Variants in HERC2 observed in about 807,000 individuals in gnomAD.
HERC2 encodes E3 ubiquitin-protein ligase HERC2.
HERC2 carries 102 observed loss-of-function variants against 537.7 expected under a neutral mutation model. The observed-to-expected ratio is 0.19, with a 90% CI of 0.16 to 0.22. The LOEUF (loss-of-function observed/expected upper bound fraction) is 0.22, where lower values mean the gene tolerates loss of function less well. HERC2 is among the 10% of genes least tolerant of loss of function. HERC2 has a pLI of 1.00. For missense variants in HERC2, 4,236 were observed against 6,198.2 expected (o/e 0.68, Z 10.63); for synonymous variants, 2,224 against 2,466.2 (o/e 0.90, Z 2.91).
intron 2 of HERC2, among the ~76,000 whole-genome samples, chr15:28,301,877 G>A (rs1334774223): frequency 1.4e-5 from 2 of 144,268 alleles, no homozygotes; most frequent in African/African-American, 5.1e-5. Flanking sequence ...TCAGCTCACT[G>A]CAACCTTTGC....
intron 6 of HERC2, among the ~76,000 whole-genome samples, 156 bp from the exon 7 acceptor site, chr15:28,274,603 T>G (rs2075822566): frequency 6.6e-6 from 1 of 152,250 alleles, no homozygotes; most frequent in African/African-American, 2.4e-5. Context: ...ATTCTGTGTT[T>G]CACGGCTGTC....
intron 4 of HERC2, among the ~76,000 whole-genome samples, chr15:28,283,620 A>G (rs1357112504): frequency 1.3e-5 from 2 of 152,242 alleles, no homozygotes; most frequent in African/African-American, 2.4e-5. Context: ...GGAGATGACA[A>G]GCACACCAAC....
At position 28,230,221 on chromosome 15, in the gene HERC2, A is replaced by C. The variant is rs1015558993; in HGVS notation, c.4809+146T>G. On this transcript the variant is annotated intron_variant, in intron 31 of 92. Coordinates refer to ENST00000261609, the MANE Select transcript of HERC2 (RefSeq NM_004667.6). ...GCTACAGCTCTGACCAGGACATCATAAGCCAAGTTCATGAAGCATCACTGG... is the reference window on the plus strand; with the variant it reads ...GCTACAGCTCTGACCAGGACATCATCAGCCAAGTTCATGAAGCATCACTGG... The C allele has an allele frequency of 2.9e-5, 23 of 803,054 alleles. No individual in the cohort carries two copies. The Admixed American group carries it at 4.2e-4, about 15-fold the overall frequency. The allele number at this position is 803,054 out of a possible 1,614,324, so 49.7% of individuals were successfully genotyped here. A position where few individuals can be genotyped will look rare whatever the true frequency, so the allele number is the denominator to read the frequency against.
intron 19 of HERC2, among the ~76,000 whole-genome samples, chr15:28,255,646 G>T (rs2075235871): frequency 6.6e-6 from 1 of 152,194 alleles, no homozygotes. Context: ...TGAGGAACAG[G>T]TTACCTGTTA....
chr15:28,174,262 T>C, intron 65 of HERC2, 133 bp downstream of exon 65: 1 of 669,634 alleles, frequency 1.5e-6, no homozygotes, highest in Admixed American at 3.2e-5. Flanking sequence ...ACCATAATTC[T>C]TCTGTGTCTT....
At chr15:28,295,407 G>A (rs1163679073) in intron 3 of HERC2, among the ~76,000 whole-genome samples, 1 of 152,056 alleles carries the variant, frequency 6.6e-6, no homozygotes, top group Non-Finnish European at 1.5e-5. Flanking sequence ...TCTGAAAACA[G>A]GGAAAGTATT....
chr15:28,298,038 T>TGTGA (rs1349378001), intron 3 of HERC2, among the ~76,000 whole-genome samples: 6 of 144,104 alleles, frequency 4.2e-5, no homozygotes, highest in African/African-American at 1.6e-4. Context: ...TGTGTGTGTG[T>TGTGA]GAATATTTTC....
intron 83 of HERC2, among the ~76,000 whole-genome samples, chr15:28,126,690 A>G (rs1178531226): frequency 2.6e-5 from 4 of 152,106 alleles, no homozygotes; most frequent in Admixed American, 1.3e-4. Context: ...GAATGACACA[A>G]TGGACTTTGG....
intron 69 of HERC2, among the ~76,000 whole-genome samples, chr15:28,159,737 A>G (rs1893381922): frequency 6.6e-6 from 1 of 152,192 alleles, no homozygotes; most frequent in South Asian, 2.1e-4. Context: ...CAGCTCATCA[A>G]AGTCATTCTC....
chr15:28,177,353 A>G lies in HERC2; in HGVS notation c.9254+66T>C. 6.7e-7 allele frequency: 1 copy of G among 1,495,086 alleles called. No individual in the cohort carries two copies. Among genetic ancestry groups the G allele is most frequent in the South Asian group, 1.1e-5 (1 of 87,440 alleles). The allele number at this position is 1,495,086 out of a possible 1,614,324, so 92.6% of individuals were successfully genotyped here. A position where few individuals can be genotyped will look rare whatever the true frequency, so the allele number is the denominator to read the frequency against. Reference sequence around the variant, plus strand: ...TTCTATTCTAATTTTCTGCAAAATAATTCTCAAGAGTATCAGTCAGAAACA... The same window carrying G: ...TTCTATTCTAATTTTCTGCAAAATAGTTCTCAAGAGTATCAGTCAGAAACA... On this transcript the variant is annotated intron_variant, in intron 60 of 92. Coordinates refer to ENST00000261609, the MANE Select transcript of HERC2 (RefSeq NM_004667.6). This position sits in a 1 kb window ranked among gnomAD's most constrained non-coding sequence, Gnocchi z 5.0.
intron 69 of HERC2, among the ~76,000 whole-genome samples, chr15:28,155,884 T>C (rs1892960963): frequency 6.6e-6 from 1 of 152,216 alleles, no homozygotes; most frequent in African/African-American, 2.4e-5. Context: ...TCTAGGGTTT[T>C]TATGGTTTTA....
At position 28,201,508 on chromosome 15, in the gene HERC2, G is replaced by C. The variant is rs1249330406; in HGVS notation, c.7664C>G (p.Ala2555Gly). The stretch of plus-strand genomic sequence containing the variant: ...ATAATCATCATTACTCAAGAAATCA[G>C]CTCGTTTTTTGTACGTCTGGCTCTC... ...VTESQTYKKR[A>G]DFLSNDDYAV... The change falls in exon 48 of 93, where the codon GCT becomes GGT. Residue 2555 changes from alanine to glycine, a missense_variant. By Grantham distance (60) the Ala-to-Gly change is moderately conservative. Coordinates refer to ENST00000261609, the MANE Select transcript of HERC2 (RefSeq NM_004667.6). The C allele has an allele frequency of 6.2e-7, 1 of 1,613,600 alleles. No homozygotes were observed. The highest frequency in any genetic ancestry group is 8.5e-7 in the Non-Finnish European group (1 of 1,179,532).
Position 28,113,711 on chromosome 15 carries a change from T to C in HERC2, c.13914-33A>G. 6.4e-7 allele frequency: 1 copy of C among 1,554,252 alleles called. No individual in the cohort carries two copies. The highest frequency in any genetic ancestry group is 1.1e-5 in the South Asian group (1 of 89,144). The stretch of plus-strand genomic sequence containing the variant: ...AAAAAGCTCACTTTACACTTCTGTC[T>C]TCAGTGACACTGACTTTATGCTGCT... On this transcript the variant is annotated intron_variant, in intron 90 of 92. Transcript: ENST00000261609. This position sits in a 1 kb window ranked among gnomAD's most constrained non-coding sequence, Gnocchi z 7.0.
intron 89 of HERC2, among the ~76,000 whole-genome samples, chr15:28,115,088 A>G (rs1179184964): frequency 6.6e-6 from 1 of 151,612 alleles, no homozygotes; most frequent in African/African-American, 2.4e-5. Context: ...GCCGAGGCAC[A>G]ACACAGCCAT....
At chr15:28,133,852 CTCTT>C (rs1890347926) in intron 79 of HERC2, among the ~76,000 whole-genome samples, 1 of 152,196 alleles carries the variant, frequency 6.6e-6, no homozygotes, top group Non-Finnish European at 1.5e-5. Context: ...ATCTGTCTCT[CTCTT>C]TTTGCCAGCA....
chr15:28,207,863 C>T (rs1260303002), intron 44 of HERC2, among the ~76,000 whole-genome samples: 1 of 151,918 alleles, frequency 6.6e-6, no homozygotes, highest in Non-Finnish European at 1.5e-5. Flanking sequence ...CATTGCAGAG[C>T]AAAAGCATCC....
At chr15:28,262,167 G>T (rs909320063) in intron 15 of HERC2, among the ~76,000 whole-genome samples, 1 of 152,070 alleles carries the variant, frequency 6.6e-6, no homozygotes, top group East Asian at 1.9e-4. Flanking sequence ...AACAGTTCTC[G>T]ATTAGGATGA....
At chr15:28,184,761 C>G (rs1896145323) in intron 56 of HERC2, among the ~76,000 whole-genome samples, 1 of 151,402 alleles carries the variant, frequency 6.6e-6, no homozygotes, top group Non-Finnish European at 1.5e-5. Context: ...ACTCAGGAGG[C>G]TGAGGCAGGA....
Position 28,268,568 on chromosome 15 carries a change from C to A in HERC2, c.1495G>T (p.Ala499Ser), listed in dbSNP as rs146191030. ...TAGTGGTGACCATCAGAATGGGCAG[C>A]AATTTTTACAATGTTTCTGGAGGCA... The part of the protein sequence containing the change: ...GLASRNIVKI[A>S]AHSDGHHYLA... Residue 499 changes from alanine (A) to serine (S), a missense_variant, in exon 12 of 93, where the codon GCT (alanine) becomes TCT (serine). Ala to Ser is a moderately conservative substitution (Grantham distance 99). Transcript: ENST00000261609. The surrounding 1 kb of genome is among the most constrained non-coding windows in gnomAD (Gnocchi z 4.7). 1 of 1,614,014 alleles carries A rather than the reference C, an allele frequency of 6.2e-7. No individual in the cohort carries two copies. The highest frequency in any genetic ancestry group is 1.3e-5 in the African/African-American group (1 of 74,912).
Sources: gnomAD v4.1 joint callset for allele counts (sites outside exome capture counted in the v4.1 genomes callset) on GRCh38, gnomAD v4.1.1 for gene constraint, Gnocchi (gnomAD v3.1) non-coding constraint, MANE v1.5 for transcripts, NCBI Gene and HGNC (gene_info 2026-07-23, HGNC 2026-07-21) for gene names.